SFI1: variants seen among roughly 807,000 people sequenced by gnomAD.
SFI1 encodes SFI1 centrin binding protein, also known as protein SFI1 homolog.
In SFI1, 195 loss-of-function variants were observed where a neutral mutation model predicts 207.5. The ratio of observed to expected loss-of-function variants is 0.94; its 90% CI spans 0.84 to 1.06. The LOEUF is 1.06. SFI1 is among the 50% of genes least tolerant of loss of function. The probability of loss-of-function intolerance (pLI) is 0.00; values close to 1 mark genes in which losing one functional copy is unlikely to be tolerated. For missense variants in SFI1, 1,634 were observed against 1,588.0 expected, an observed-to-expected ratio of 1.03 and a Z score of -0.49; for synonymous variants, 630 against 598.9, an observed-to-expected ratio of 1.05 and a Z score of -0.76.
Position 31,603,832 on chromosome 22 carries a change from T to C in SFI1, c.1881+13T>C. 6.4e-7 allele frequency: 1 copy of C among 1,574,750 alleles called. No homozygotes were observed. The highest frequency in any genetic ancestry group is 2.4e-5 in the East Asian group (1 of 41,632). Reference sequence around the variant, plus strand: ...CCAGTGGAGGGAGGTAAGGCTTTGGTGCGAGGTGCCACCCGTGTATGACTT... The same window carrying C: ...CCAGTGGAGGGAGGTAAGGCTTTGGCGCGAGGTGCCACCCGTGTATGACTT... On this transcript the variant is annotated intron_variant, in intron 18 of 32. Transcript: ENST00000400288.
chr22:31,592,498 CG>C (rs1311888720), intron 15 of SFI1, among the ~76,000 whole-genome samples: 2 of 36,118 alleles, frequency 5.5e-5, no homozygotes, highest in South Asian at 2.1e-3. Context: ...GCTGGCCGGG[CG>C]GGGGGCCGAC....
intron 11 of SFI1, among the ~76,000 whole-genome samples, chr22:31,579,616 A>T (rs1355283804): frequency 6.6e-6 from 1 of 151,904 alleles, no homozygotes; most frequent in South Asian, 2.1e-4. Flanking sequence ...CGCCCGGCCT[A>T]ATTTTTTAGT....
intron 2 of SFI1, among the ~76,000 whole-genome samples, chr22:31,516,706 G>A (rs561558406): frequency 1.3e-5 from 2 of 152,054 alleles, no homozygotes; most frequent in African/African-American, 2.4e-5. Context: ...TGTAATCCCA[G>A]CACTTCGGGA....
At position 31,618,522 on chromosome 22, in the gene SFI1, C is replaced by T. The variant is rs1236961811; in HGVS notation, c.*104C>T. ...GTTTGATTTTTTTTATTTCAAAATG[C>T]TTTGCAATTAAATGAATTACTGTTC... On this transcript the variant is annotated 3_prime_UTR_variant, in exon 33 of 33. Transcript: ENST00000400288. 6 of 1,166,892 alleles carry T rather than the reference C, an allele frequency of 5.1e-6. No homozygotes were observed. The highest frequency in any genetic ancestry group is 3.1e-5 in the African/African-American group (2 of 64,190). The allele number at this position is 1,166,892 out of a possible 1,614,324, so 72.3% of individuals were successfully genotyped here.
At position 31,577,302 on chromosome 22, in the gene SFI1, T is replaced by C. The variant is rs930739144; in HGVS notation, c.1085-1080T>C. ...TGTCTTAGGGGAAGACTGCAGAAGG[T>C]TGGAAAAGGCATTTCAGTGAGGAAA... On this transcript the variant is annotated intron_variant, in intron 10 of 32. Coordinates refer to ENST00000400288, the MANE Select transcript of SFI1 (RefSeq NM_001007467.3). 3.9e-5 allele frequency among the ~76,000 whole-genome samples: 6 copies of C among 152,218 alleles called. No individual in the cohort carries two copies. In the East Asian group the frequency reaches 7.7e-4, roughly 20 times the overall value.
At chr22:31,569,584 T>C (rs192192590) in intron 8 of SFI1, among the ~76,000 whole-genome samples, 1 of 152,268 alleles carries the variant, frequency 6.6e-6, no homozygotes, top group African/African-American at 2.4e-5. Flanking sequence ...GAAGTTGTCA[T>C]ATAAAACAGA....
At chr22:31,581,466 T>A (rs565452289) in intron 12 of SFI1, among the ~76,000 whole-genome samples, 101 of 152,068 alleles carry the variant, frequency 6.6e-4, no homozygotes, top group Middle Eastern at 3.4e-3. Flanking sequence ...TTTTTTTGTA[T>A]TTTTAGTAGA....
At chr22:31,498,417 A>T (rs1015462885) in intron 1 of SFI1, among the ~76,000 whole-genome samples, 1 of 152,148 alleles carries the variant, frequency 6.6e-6, no homozygotes, top group African/African-American at 2.4e-5. Context: ...CATTAAGAAC[A>T]TTCATGATTT....
chr22:31,614,154 C>T, intron 27 of SFI1: 1 of 426,700 alleles, frequency 2.3e-6, no homozygotes, highest in Non-Finnish European at 4.2e-6. Flanking sequence ...ACGATCTTTT[C>T]CGGAGTCATA....
chr22:31,531,162 G>A, intron 4 of SFI1, 33 bp downstream of exon 4: 1 of 1,550,432 alleles, frequency 6.4e-7, no homozygotes, highest in Non-Finnish European at 8.8e-7. Flanking sequence ...TAATTGTGTT[G>A]AGTTCATTCT....
chr22:31,539,080 C>G (rs2059249466), intron 4 of SFI1, among the ~76,000 whole-genome samples: 1 of 152,208 alleles, frequency 6.6e-6, no homozygotes, highest in South Asian at 2.1e-4. Context: ...CTTGTTCTTT[C>G]ACACCCCAAT....
intron 21 of SFI1, chr22:31,606,656 G>T: frequency 1.1e-5 from 4 of 355,436 alleles, no homozygotes; most frequent in Admixed American, 8.8e-5. Context: ...CATCATAAGT[G>T]AACTAGTTCT....
At chr22:31,612,340 A>G (rs2070322423) in intron 24 of SFI1, 1 of 139,068 alleles carries the variant, frequency 7.2e-6, no homozygotes, top group African/African-American at 2.7e-5. Context: ...AGATAGCACC[A>G]CTGCACTCCA....
intron 5 of SFI1, among the ~76,000 whole-genome samples, chr22:31,548,044 C>T (rs1379596467): frequency 6.6e-6 from 1 of 151,478 alleles, no homozygotes; most frequent in Admixed American, 6.6e-5. Flanking sequence ...GAAACCCCGT[C>T]TCTACTAAAA....
chr22:31,500,335 A>G (rs1044554907), intron 1 of SFI1, among the ~76,000 whole-genome samples: 5 of 152,012 alleles, frequency 3.3e-5, no homozygotes, highest in Non-Finnish European at 7.4e-5. Context: ...ACCTTCAGCA[A>G]TCACTACCCT....
At position 31,618,551 on chromosome 22, in the gene SFI1, A is replaced by C. The variant is rs1041426712; in HGVS notation, c.*133A>C. ...GCAATTAAATGAATTACTGTTCAGA[A>C]GTCTCCCACTTTTCATACAAAAATA... On this transcript the variant is annotated 3_prime_UTR_variant, in exon 33 of 33. Transcript: ENST00000400288. 1.1e-6 allele frequency: 1 copy of C among 917,624 alleles called. No individual in the cohort carries two copies. The highest frequency in any genetic ancestry group is 1.5e-6 in the Non-Finnish European group (1 of 655,696). The allele number at this position is 917,624 out of a possible 1,614,324, so 56.8% of individuals were successfully genotyped here. A position where few individuals can be genotyped will look rare whatever the true frequency, so the allele number is the denominator to read the frequency against.
At chr22:31,598,487 T>A (rs1416874409) in intron 15 of SFI1, among the ~76,000 whole-genome samples, 2 of 151,682 alleles carry the variant, frequency 1.3e-5, no homozygotes, top group African/African-American at 2.4e-5. Context: ...TGGCGCTGTC[T>A]CAGCTCACTG....
chr22:31,563,283 G>A (rs1261796485), intron 8 of SFI1, among the ~76,000 whole-genome samples: 1 of 151,094 alleles, frequency 6.6e-6, no homozygotes, highest in Non-Finnish European at 1.5e-5. Context: ...GTGAACCACC[G>A]CGCCTGGCCT....
At chr22:31,549,076 C>G (rs2060374056) in intron 5 of SFI1, among the ~76,000 whole-genome samples, 1 of 151,436 alleles carries the variant, frequency 6.6e-6, no homozygotes, top group Non-Finnish European at 1.5e-5. Flanking sequence ...TCACTTGAGC[C>G]CAGGAGTTCG....
Sources: allele counts gnomAD v4.1 joint callset (sites outside exome capture counted in the v4.1 genomes callset), GRCh38; gene constraint gnomAD v4.1.1; transcripts MANE v1.5; gene names NCBI Gene and HGNC (gene_info 2026-07-23, HGNC 2026-07-21).